The following WRAP73 variants were observed in gnomAD, a reference collection of about 807,000 sequenced individuals.
WRAP73 encodes the protein WD repeat containing, antisense to TP73, also known as WD repeat-containing protein WRAP73.
WRAP73 carries 55 observed loss-of-function variants against 59.6 expected under a neutral mutation model. The ratio of observed to expected loss-of-function variants is 0.92; its 90% CI spans 0.74 to 1.15. WRAP73 has a LOEUF of 1.15. Among genes scored for constraint, WRAP73 ranks in the 50% most tolerant of loss-of-function variants. WRAP73 has a pLI of 0.00. For synonymous variants in WRAP73, 265 were observed against 258.2 expected, an observed-to-expected ratio of 1.03 and a Z score of -0.25; for missense variants, 592 against 608.1, an observed-to-expected ratio of 0.97 and a Z score of 0.28.
chr1:3,636,101 T>G, intron 5 of WRAP73, 71 bp from the exon 6 acceptor site: 16 of 1,161,164 alleles, frequency 1.4e-5, no homozygotes, highest in Non-Finnish European at 2.0e-5. Flanking sequence ...CATTTATGAC[T>G]GATGTTCTTA....
chr1:3,633,199 A>G (rs1189872811), intron 9 of WRAP73, 199 bp downstream of exon 9: 1 of 581,758 alleles, frequency 1.7e-6, no homozygotes, highest in East Asian at 3.1e-5. Context: ...CAGTAACAGA[A>G]GCCGCACCTT....
intron 4 of WRAP73, 69 bp from the exon 5 acceptor site, chr1:3,637,167 AT>A: frequency 7.6e-7 from 1 of 1,323,042 alleles, no homozygotes; most frequent in Non-Finnish European, 1.1e-6. Context: ...CACAGTAGTA[AT>A]TCACAAGGAA....
chr1:3,646,615 G>T lies in WRAP73; in HGVS notation c.339+51C>A. On this transcript the variant is annotated intron_variant, in intron 3 of 11. Coordinates refer to ENST00000270708, the MANE Select transcript of WRAP73 (RefSeq NM_017818.4). The surrounding 1 kb of genome is among the most constrained non-coding windows in gnomAD (Gnocchi z 5.1). ...CTCGCACTCCCCAGCTGTTTCGAGAGCAGAGGACAGGATCACATGGCCAGT... is the reference window on the plus strand; with the variant it reads ...CTCGCACTCCCCAGCTGTTTCGAGATCAGAGGACAGGATCACATGGCCAGT... The T allele has an allele frequency of 6.7e-7, 1 of 1,491,530 alleles. No homozygotes were observed. 92.4% of individuals were successfully genotyped at this position (1,491,530 alleles called of 1,614,324 possible).
chr1:3,635,412 C>A, intron 6 of WRAP73, 118 bp from the exon 7 acceptor site: 1 of 1,399,964 alleles, frequency 7.1e-7, no homozygotes, highest in Non-Finnish European at 9.7e-7. Context: ...CAGGACTGTC[C>A]GCGTGGCCGT....
chr1:3,631,888 T>C, intron 10 of WRAP73: 5 of 1,139,186 alleles, frequency 4.4e-6, no homozygotes, highest in Non-Finnish European at 5.8e-6. Flanking sequence ...CTTTGGTATT[T>C]TTTTTTTTTT....
At chr1:3,637,788 C>A (rs918042415) in intron 4 of WRAP73, among the ~76,000 whole-genome samples, 13 of 152,124 alleles carry the variant, frequency 8.5e-5, no homozygotes, top group Non-Finnish European at 1.6e-4. Flanking sequence ...GAGCTGTGAT[C>A]GTGTCACTGC....
rs367621103 is a variant in WRAP73, at chr1:3,631,498, G to T, written c.1208C>A (p.Ala403Glu). 2 of 1,607,504 alleles carry T rather than the reference G, an allele frequency of 1.2e-6. No individual in the cohort carries two copies. Among genetic ancestry groups the T allele is most frequent in the East Asian group, 4.5e-5 (2 of 44,694 alleles). ...GGSRLYLWSP[A>E]GCMSVQVPGE... is the part of the protein sequence containing the mutation. ...AGGCACCTGCACCGACATGCAGCCC[G>T]CTGGGGACCACAGGTAGAGCCTGCT... Residue 403 changes from alanine (A) to glutamate (E), a missense_variant, in exon 11 of 12, where the codon GCG becomes GAG. Physicochemically the swap from Ala to Glu is moderately radical, Grantham distance 107 (BLOSUM62 -1). Transcript: ENST00000270708.
Position 3,631,520 on chromosome 1 carries a change from T to A in WRAP73, c.1186A>T (p.Arg396Trp), listed in dbSNP as rs1375178489. The A allele has an allele frequency of 1.2e-6, 2 of 1,610,196 alleles. No homozygotes were observed. The highest frequency in any genetic ancestry group is 1.7e-6 in the Non-Finnish European group (2 of 1,178,834). The part of the protein sequence containing the change: ...PRLAICTGGS[R>W]LYLWSPAGCM... ...CCCGCTGGGGACCACAGGTAGAGCC[T>A]GCTGCCTCCCGTGCAGATGGCCAGC... The change falls in exon 11 of 12, where the codon AGG (arginine) becomes TGG (tryptophan). Residue 396 changes from arginine (R) to tryptophan (W), a missense_variant. Transcript: ENST00000270708.
Position 3,646,710 on chromosome 1 carries a change from A to T in WRAP73, c.295T>A (p.Trp99Arg). 3 of 1,608,760 alleles carry T rather than the reference A, an allele frequency of 1.9e-6. No individual in the cohort carries two copies. The highest frequency in any genetic ancestry group is 2.6e-6 in the Non-Finnish European group (3 of 1,176,026). The part of the protein sequence containing the change: ...EGSAGLVASC[W>R]SPDGRHILNT... Reference sequence around the variant, plus strand: ...AGAATGTGGCGCCCGTCCGGGCTCCAGCACGAGGCCACCAGCCCGGCTGAG... The same window carrying T: ...AGAATGTGGCGCCCGTCCGGGCTCCTGCACGAGGCCACCAGCCCGGCTGAG... The change falls in exon 3 of 12, where the codon TGG becomes AGG. Residue 99 changes from tryptophan to arginine, a missense_variant. Transcript: ENST00000270708. This position sits in a 1 kb window ranked among gnomAD's most constrained non-coding sequence, Gnocchi z 5.1.
Position 3,633,526 on chromosome 1 carries a change from G to A in WRAP73, c.817-23C>T, listed in dbSNP as rs375127507. 1.1e-4 allele frequency: 164 copies of A among 1,557,288 alleles called. No individual in the cohort carries two copies. In the South Asian group the frequency reaches 1.2e-3, roughly 12 times the overall value. The stretch of plus-strand genomic sequence containing the variant: ...CACCTGAAAGACACAAGGTGGCCAC[G>A]CCCGGCTCAGGACAGGGACCCGGAA... On this transcript the variant is annotated intron_variant, in intron 8 of 11. Transcript: ENST00000270708.
intron 3 of WRAP73, among the ~76,000 whole-genome samples, chr1:3,644,334 G>A (rs1453494043): frequency 8.9e-6 from 1 of 111,984 alleles, no homozygotes; most frequent in Non-Finnish European, 1.8e-5. Context: ...GCCCCGCTGA[G>A]CCCCGGACAT....
intron 3 of WRAP73, among the ~76,000 whole-genome samples, chr1:3,644,353 G>A (rs1443985211): frequency 2.2e-5 from 3 of 135,102 alleles, no homozygotes; most frequent in East Asian, 2.2e-4. Context: ...ATGGGGTCGC[G>A]CCTTCGGAAG....
Position 3,630,842 on chromosome 1 carries a change from C to G in WRAP73, c.*133G>C. ...TATACCATACATATTTACAAAAATG[C>G]TTTGCTATAGAAAAATAGAATCAAT... On this transcript the variant is annotated 3_prime_UTR_variant, in exon 12 of 12. Transcript: ENST00000270708. 8.2e-7 allele frequency: 1 copy of G among 1,215,738 alleles called. No homozygotes were observed. Among genetic ancestry groups the G allele is most frequent in the Non-Finnish European group, 1.1e-6 (1 of 874,708 alleles). The allele number at this position is 1,215,738 out of a possible 1,614,324, so 75.3% of individuals were successfully genotyped here. A position where few individuals can be genotyped will look rare whatever the true frequency, so the allele number is the denominator to read the frequency against.
chr1:3,649,026 CAGTT>C (rs1644715832), intron 1 of WRAP73, among the ~76,000 whole-genome samples: 1 of 152,192 alleles, frequency 6.6e-6, no homozygotes, highest in Non-Finnish European at 1.5e-5. Context: ...ATACATCAGT[CAGTT>C]AGTACAGGTG....
chr1:3,633,443 G>A lies in WRAP73; in HGVS notation c.877C>T (p.Pro293Ser). The A allele has an allele frequency of 6.2e-7, 1 of 1,612,530 alleles. No homozygotes were observed. The highest frequency in any genetic ancestry group is 2.2e-5 in the East Asian group (1 of 44,870). Residue 293 changes from proline (P) to serine (S), a missense_variant, in exon 9 of 12, where the codon CCG (proline) becomes TCG (serine). Transcript: ENST00000270708. ...AGAGGGCCGGCCCCGGCCCGGGGCG[G>A]CGGGAAGGAGAGGCAGCCCAGTCCC... ...QLGLGCLSFPPPRAGAGPLPS... is the reference protein window; with the variant it reads ...QLGLGCLSFPSPRAGAGPLPS...
chr1:3,631,881 T>C (rs1644538037), intron 10 of WRAP73: 2 of 1,375,548 alleles, frequency 1.5e-6, no homozygotes, highest in African/African-American at 1.6e-5. Flanking sequence ...TTTCTTTCTT[T>C]GGTATTTTTT....
At chr1:3,638,689 C>T (rs1418782518) in intron 4 of WRAP73, 61 bp downstream of exon 4, 11 of 1,594,504 alleles carry the variant, frequency 6.9e-6, no homozygotes, top group African/African-American at 2.7e-5. Flanking sequence ...TGAAACTTCC[C>T]GTGACAAAAA....
Position 3,631,106 on chromosome 1 carries a change from C to A in WRAP73, c.1252G>T (p.Val418Leu), listed in dbSNP as rs751300909. ...VQVPGEGDFA[V>L]LSLCWHLSGD... ...CTTAAATGCCAGCACAGAGAGAGCA[C>A]TGCAAAGTCGCCTAGAGAGAGACAG... The change falls in exon 12 of 12, where the codon GTG (valine) becomes TTG (leucine). Residue 418 changes from valine to leucine, a missense_variant. Coordinates refer to ENST00000270708, the MANE Select transcript of WRAP73 (RefSeq NM_017818.4). The A allele has an allele frequency of 6.8e-6, 11 of 1,613,332 alleles. No individual in the cohort carries two copies. The Admixed American group carries it at 1.8e-4, about 27-fold the overall frequency.
chr1:3,635,490 G>A, intron 6 of WRAP73, 196 bp from the exon 7 acceptor site: 3 of 716,078 alleles, frequency 4.2e-6, no homozygotes, highest in Non-Finnish European at 4.5e-6. Flanking sequence ...TGAGGAAAAA[G>A]GGGAAATTGG....
Sources: gnomAD v4.1 joint callset for allele counts (sites outside exome capture counted in the v4.1 genomes callset) on GRCh38, gnomAD v4.1.1 for gene constraint, Gnocchi (gnomAD v3.1) non-coding constraint, MANE v1.5 for transcripts, NCBI Gene and HGNC (gene_info 2026-07-23, HGNC 2026-07-21) for gene names.